Variants in PDE4D observed in about 807,000 individuals in gnomAD.
PDE4D encodes 3',5'-cyclic-AMP phosphodiesterase 4D.
Under a neutral mutation model 87.4 loss-of-function variants are expected in PDE4D, and 24 were observed. That is an observed-to-expected ratio of 0.27 (90% CI 0.20 to 0.39). The LOEUF (loss-of-function observed/expected upper bound fraction) is 0.39, where lower values mean the gene tolerates loss of function less well. Among genes scored for constraint, PDE4D ranks in the 10% least tolerant of loss-of-function variants. The pLI, the probability that PDE4D is intolerant of heterozygous loss-of-function variation, is 1.00. For synonymous variants in PDE4D, 384 were observed against 383.2 expected (o/e 1.00, Z -0.02); for missense variants, 714 against 1,041.0 (o/e 0.69, Z 4.32).
intron 1 of PDE4D, among the ~76,000 whole-genome samples, chr5:60,300,848 G>T (rs1354113392): frequency 6.6e-6 from 1 of 151,566 alleles, no homozygotes; most frequent in Non-Finnish European, 1.5e-5. Context: ...TCTCAGCTCT[G>T]CAACCTCCAC....
At chr5:59,701,166 C>T (rs530025311) in intron 1 of PDE4D, among the ~76,000 whole-genome samples, 1 of 152,186 alleles carries the variant, frequency 6.6e-6, no homozygotes, top group South Asian at 2.1e-4. Flanking sequence ...TTCCTCTCTC[C>T]CTGAAATGCT....
chr5:59,708,202 A>G (rs950939705), intron 1 of PDE4D, among the ~76,000 whole-genome samples: 1 of 152,108 alleles, frequency 6.6e-6, no homozygotes, highest in African/African-American at 2.4e-5. Flanking sequence ...CATTTCTCAA[A>G]TGATCAGTGA....
chr5:59,180,815 T>C (rs1741347203), intron 4 of PDE4D, among the ~76,000 whole-genome samples, 171 bp from the exon 5 acceptor site: 2 of 152,216 alleles, frequency 1.3e-5, no homozygotes, highest in African/African-American at 4.8e-5. Context: ...TTCTTTGTAT[T>C]ATGGCTCAGA....
intron 1 of PDE4D, among the ~76,000 whole-genome samples, chr5:59,526,207 C>T (rs1178989824): frequency 2.0e-5 from 3 of 152,150 alleles, no homozygotes; most frequent in Non-Finnish European, 2.9e-5. Flanking sequence ...AAAAAGTACA[C>T]GCTGCAGTTT....
At chr5:59,475,809 A>G (rs1803215287) in intron 1 of PDE4D, among the ~76,000 whole-genome samples, 1 of 152,000 alleles carries the variant, frequency 6.6e-6, no homozygotes, top group Non-Finnish European at 1.5e-5. Flanking sequence ...AAGCTCCCAG[A>G]GTCTTCCCAC....
chr5:59,018,935 C>T (rs1448757041), intron 6 of PDE4D, among the ~76,000 whole-genome samples: 1 of 146,426 alleles, frequency 6.8e-6, no homozygotes, highest in East Asian at 2.4e-4. Context: ...TAAAATCCTG[C>T]CCCCTCTTTT....
chr5:60,496,091 C>A (rs1191752922), intron 1 of PDE4D, among the ~76,000 whole-genome samples: 1 of 152,114 alleles, frequency 6.6e-6, no homozygotes, highest in African/African-American at 2.4e-5. Flanking sequence ...CCTTTTGCTG[C>A]CAATGTGGGC....
At chr5:60,159,548 T>C (rs911107443) in intron 2 of PDE4D, among the ~76,000 whole-genome samples, 1 of 152,140 alleles carries the variant, frequency 6.6e-6, no homozygotes, top group East Asian at 1.9e-4. Flanking sequence ...ATATGAGTAA[T>C]ATGTTATGCT....
rs150016403 is a variant in PDE4D at position 59,319,858 on chromosome 5, G to A, written c.456-103890C>T. On this transcript the variant is annotated intron_variant, in intron 1 of 14. Transcript: ENST00000340635. ...CTTAAAAATTTCCATATGAGGAGAAGTGTTAGAAATGTATTTTTCCAAATG... is the reference window on the plus strand; with the variant it reads ...CTTAAAAATTTCCATATGAGGAGAAATGTTAGAAATGTATTTTTCCAAATG... 1.2e-3 allele frequency among the ~76,000 whole-genome samples: 174 copies of A among 150,478 alleles called. 2 individuals are homozygous for A. Among genetic ancestry groups the A allele is most frequent in the African/African-American group, 3.6e-3 (148 of 40,728 alleles).
chr5:59,072,762 T>A (rs536078548), intron 5 of PDE4D, among the ~76,000 whole-genome samples: 18 of 152,364 alleles, frequency 1.2e-4, no homozygotes, highest in African/African-American at 4.3e-4. Flanking sequence ...CATTTATAGA[T>A]CTTCTTTGTG....
At chr5:60,208,455 A>G (rs1253708320) in intron 1 of PDE4D, among the ~76,000 whole-genome samples, 2 of 152,172 alleles carry the variant, frequency 1.3e-5, no homozygotes, top group Non-Finnish European at 2.9e-5. Flanking sequence ...CTGTGTAGTT[A>G]CGGTCTTGTA....
At chr5:59,042,610 A>C (rs1553113) in intron 5 of PDE4D, among the ~76,000 whole-genome samples, 10,489 of 152,296 alleles carry the variant, frequency 0.069, 509 homozygotes, top group Admixed American at 0.11. Flanking sequence ...AAAACACCCA[A>C]GCAAAAACTA....
At chr5:60,446,074 AAC>A (rs1210072404) in intron 1 of PDE4D, among the ~76,000 whole-genome samples, 13 of 152,158 alleles carry the variant, frequency 8.5e-5, no homozygotes, top group East Asian at 1.9e-4. Flanking sequence ...TGACTTAACA[AAC>A]ACAGAAAAAC....
chr5:59,453,028 A>G (rs994952022), intron 1 of PDE4D, among the ~76,000 whole-genome samples: 3 of 151,710 alleles, frequency 2.0e-5, no homozygotes, highest in Admixed American at 6.6e-5. Context: ...CATTTTTCTA[A>G]CAGCATGTGC....
chr5:60,140,949 T>G (rs1780482298), intron 2 of PDE4D, among the ~76,000 whole-genome samples: 1 of 152,200 alleles, frequency 6.6e-6, no homozygotes, highest in Admixed American at 6.6e-5. Context: ...AGGACTATTT[T>G]ATAGACGCCA....
At chr5:60,193,839 C>G (rs1421855394) in intron 1 of PDE4D, among the ~76,000 whole-genome samples, 1 of 151,366 alleles carries the variant, frequency 6.6e-6, no homozygotes, top group African/African-American at 2.4e-5. Context: ...CTCTTAATGT[C>G]TCTCTGAACA....
At chr5:59,445,593 A>G (rs557657608) in intron 1 of PDE4D, among the ~76,000 whole-genome samples, 6 of 152,348 alleles carry the variant, frequency 3.9e-5, no homozygotes, top group Admixed American at 3.9e-4. Context: ...ATTTGACATA[A>G]TACAGACAAA....
At chr5:60,135,503 A>G (rs982612778) in intron 2 of PDE4D, among the ~76,000 whole-genome samples, 1 of 152,218 alleles carries the variant, frequency 6.6e-6, no homozygotes, top group African/African-American at 2.4e-5. Flanking sequence ...TCGTTCAAAA[A>G]TGGGGGAAGG....
At chr5:59,545,438 A>C (rs1297939803) in intron 1 of PDE4D, among the ~76,000 whole-genome samples, 1 of 152,220 alleles carries the variant, frequency 6.6e-6, no homozygotes, top group African/African-American at 2.4e-5. Context: ...TAGGTAGTTC[A>C]CAACCAGGAG....
Sources: gnomAD v4.1 joint callset for allele counts (sites outside exome capture counted in the v4.1 genomes callset) on GRCh38, gnomAD v4.1.1 for gene constraint, MANE v1.5 for transcripts, NCBI Gene and HGNC (gene_info 2026-07-23, HGNC 2026-07-21) for gene names.